The following RCAN2 variants were observed in gnomAD, a reference collection of about 807,000 sequenced individuals.
RCAN2 encodes regulator of calcineurin 2.
A neutral mutation model predicts 23.6 loss-of-function variants in RCAN2; 9 were observed. The ratio of observed to expected loss-of-function variants is 0.38; its 90% CI spans 0.23 to 0.67. The LOEUF is 0.67. RCAN2 is among the 30% of genes least tolerant of loss of function. The probability of loss-of-function intolerance (pLI) is 0.51; values close to 1 mark genes in which losing one functional copy is unlikely to be tolerated. For synonymous variants in RCAN2, 109 were observed against 115.7 expected (o/e 0.94, Z 0.37); for missense variants, 273 against 302.3 (o/e 0.90, Z 0.72).
At chr6:46,426,361 T>G (rs1767032583) in intron 2 of RCAN2, among the ~76,000 whole-genome samples, 1 of 152,214 alleles carries the variant, frequency 6.6e-6, no homozygotes, top group Non-Finnish European at 1.5e-5. Flanking sequence ...CTTCTCTAGG[T>G]TTTACTTTCA....
chr6:46,288,979 G>A (rs1312132339), intron 2 of RCAN2, among the ~76,000 whole-genome samples: 1 of 152,190 alleles, frequency 6.6e-6, no homozygotes, highest in Non-Finnish European at 1.5e-5. Context: ...CAATTCTACA[G>A]TTTCTTAAAA....
chr6:46,413,982 A>G (rs866773594), intron 2 of RCAN2, among the ~76,000 whole-genome samples: 1 of 152,124 alleles, frequency 6.6e-6, no homozygotes, highest in Non-Finnish European at 1.5e-5. Flanking sequence ...GGCTCTCAGA[A>G]TAGGTAACTA....
At chr6:46,339,297 T>TA (rs1764232895) in intron 2 of RCAN2, among the ~76,000 whole-genome samples, 1 of 151,974 alleles carries the variant, frequency 6.6e-6, no homozygotes, top group South Asian at 2.1e-4. Flanking sequence ...CAAAATACAG[T>TA]AGGAGCATAG....
chr6:46,486,640 A>AT (rs904476698), intron 1 of RCAN2, among the ~76,000 whole-genome samples: 8 of 152,302 alleles, frequency 5.3e-5, no homozygotes, highest in African/African-American at 1.7e-4. Flanking sequence ...AAAATAATAC[A>AT]TTTTTTTGGT....
At chr6:46,343,239 A>G (rs940114819) in intron 2 of RCAN2, among the ~76,000 whole-genome samples, 1 of 152,186 alleles carries the variant, frequency 6.6e-6, no homozygotes, top group Non-Finnish European at 1.5e-5. Flanking sequence ...GGAACAACAT[A>G]TTTTTAAGTC....
intron 2 of RCAN2, among the ~76,000 whole-genome samples, chr6:46,422,446 T>A (rs765261555): frequency 2.6e-5 from 4 of 152,010 alleles, no homozygotes; most frequent in Non-Finnish European, 4.4e-5. Context: ...ACAAATGGAC[T>A]AAGACAGGGA....
chr6:46,257,687 T>C (rs1766964675), intron 2 of RCAN2, among the ~76,000 whole-genome samples: 1 of 152,086 alleles, frequency 6.6e-6, no homozygotes, highest in Admixed American at 6.6e-5. Flanking sequence ...TATAGGTCCC[T>C]CCCTCGACAT....
At chr6:46,419,756 T>C (rs1766820904) in intron 2 of RCAN2, among the ~76,000 whole-genome samples, 1 of 152,192 alleles carries the variant, frequency 6.6e-6, no homozygotes, top group Non-Finnish European at 1.5e-5. Context: ...CAGCAGGGAC[T>C]CTTGGAAAGA....
intron 4 of RCAN2, among the ~76,000 whole-genome samples, chr6:46,225,883 T>TATA (rs1455901721): frequency 6.6e-6 from 1 of 152,236 alleles, no homozygotes; most frequent in East Asian, 1.9e-4. Context: ...TGAATGGTAT[T>TATA]GCCTAGGTTT....
chr6:46,390,497 T>G (rs1302248454), intron 2 of RCAN2, among the ~76,000 whole-genome samples: 1 of 152,240 alleles, frequency 6.6e-6, no homozygotes, highest in Non-Finnish European at 1.5e-5. Context: ...GTGGGTTCTC[T>G]ATGGAATGTG....
chr6:46,457,060 A>AG, intron 1 of RCAN2, 82 bp from the exon 2 acceptor site: 1 of 924,976 alleles, frequency 1.1e-6, no homozygotes, highest in South Asian at 1.6e-5. Flanking sequence ...TTGTATTGTC[A>AG]GGGGCAGAAC....
chr6:46,293,124 C>T (rs568010310), intron 2 of RCAN2, among the ~76,000 whole-genome samples: 1 of 152,226 alleles, frequency 6.6e-6, no homozygotes, highest in Non-Finnish European at 1.5e-5. Flanking sequence ...CAGTCTATCA[C>T]TGATAGGCAT....
At chr6:46,444,988 C>T (rs1157707185) in intron 2 of RCAN2, among the ~76,000 whole-genome samples, 4 of 152,174 alleles carry the variant, frequency 2.6e-5, no homozygotes, top group African/African-American at 9.7e-5. Flanking sequence ...TTCCAGTGTC[C>T]CCGGGCTCCA....
intron 2 of RCAN2, among the ~76,000 whole-genome samples, chr6:46,326,126 G>A (rs779955246): frequency 2.0e-4 from 30 of 152,160 alleles, no homozygotes; most frequent in Non-Finnish European, 3.2e-4. Context: ...ATAGAAATCC[G>A]TTCTTGGAGT....
chr6:46,419,870 G>A (rs910744255), intron 2 of RCAN2, among the ~76,000 whole-genome samples: 2 of 152,084 alleles, frequency 1.3e-5, no homozygotes, highest in African/African-American at 4.8e-5. Flanking sequence ...TTGGCAAACT[G>A]CCTTTCAAAA....
intron 1 of RCAN2, among the ~76,000 whole-genome samples, chr6:46,489,240 A>G (rs1011932715): frequency 6.6e-6 from 1 of 152,056 alleles, no homozygotes; most frequent in Admixed American, 6.5e-5. Flanking sequence ...ACTCTTCCAG[A>G]TTCCCTCCAC....
At chr6:46,458,415 C>T (rs980729908) in intron 1 of RCAN2, among the ~76,000 whole-genome samples, 3 of 151,974 alleles carry the variant, frequency 2.0e-5, no homozygotes, top group Admixed American at 6.6e-5. Flanking sequence ...ATCTTAAGCC[C>T]GGTTGAGGTA....
intron 2 of RCAN2, among the ~76,000 whole-genome samples, chr6:46,320,900 A>T (rs1382494497): frequency 6.6e-6 from 1 of 152,194 alleles, no homozygotes; most frequent in Admixed American, 6.5e-5. Flanking sequence ...AGTCTCCTTA[A>T]AAAAATAAAT....
intron 4 of RCAN2, among the ~76,000 whole-genome samples, chr6:46,245,399 G>A (rs1239696704): frequency 1.3e-5 from 2 of 152,132 alleles, no homozygotes; most frequent in Non-Finnish European, 2.9e-5. Flanking sequence ...CTGGTAAGAC[G>A]ACCAGCTTTT....
Sources: allele counts gnomAD v4.1 joint callset (sites outside exome capture counted in the v4.1 genomes callset), GRCh38; gene constraint gnomAD v4.1.1; transcripts MANE v1.5; gene names NCBI Gene and HGNC (gene_info 2026-07-23, HGNC 2026-07-21).